The following COL24A1 variants were observed in gnomAD, a reference collection of about 807,000 sequenced individuals.
The protein encoded by COL24A1 is collagen type XXIV alpha 1 chain.
COL24A1 carries 224 observed loss-of-function variants against 253.9 expected under a neutral mutation model. The ratio of observed to expected loss-of-function variants is 0.88; its 90% CI spans 0.79 to 0.99. COL24A1 has a LOEUF of 0.99. Ranked by LOEUF, COL24A1 falls within the 50% of genes least tolerant of loss-of-function variation. COL24A1 has a pLI of 0.00. For missense variants in COL24A1, 2,131 were observed against 2,068.5 expected (o/e 1.03, Z -0.59); for synonymous variants, 685 against 673.7 (o/e 1.02, Z -0.26).
intron 47 of COL24A1, among the ~76,000 whole-genome samples, chr1:85,814,370 T>G (rs1317003150): frequency 6.6e-6 from 1 of 152,266 alleles, no homozygotes; most frequent in Non-Finnish European, 1.5e-5. Flanking sequence ...ATCAACATTT[T>G]ATTTGTGTTA....
At chr1:86,081,533 T>A (rs1328102330) in intron 7 of COL24A1, among the ~76,000 whole-genome samples, 1 of 152,202 alleles carries the variant, frequency 6.6e-6, no homozygotes, top group Non-Finnish European at 1.5e-5. Context: ...TGTTAGCTAA[T>A]ACTTCTTTTG....
At position 85,916,686 on chromosome 1, in the gene COL24A1, C is replaced by T. The variant is rs544708729; in HGVS notation, c.2563-5253G>A. ...CAAAATACATAAAAAGAAAAACGTA[C>T]TATTTCAGTACCTTAAAAAGTCTAA... On this transcript the variant is annotated intron_variant, in intron 24 of 59. Transcript: ENST00000370571. 2.8e-4 allele frequency among the ~76,000 whole-genome samples: 42 copies of T among 152,130 alleles called. 1 individual carries two copies. The highest frequency in any genetic ancestry group is 2.4e-3 in the Admixed American group (37 of 15,270).
At chr1:86,035,005 A>G (rs1698885115) in intron 12 of COL24A1, among the ~76,000 whole-genome samples, 1 of 152,186 alleles carries the variant, frequency 6.6e-6, no homozygotes, top group African/African-American at 2.4e-5. Context: ...AGTATTAAAT[A>G]TTATGTTTAA....
In COL24A1 at chr1:85,933,071, A is replaced by T. The variant is rs547026745; in HGVS notation, c.2563-21638T>A. Reference sequence around the variant, plus strand: ...CCTGCACAATGTGCACATGTACCCTAAAACTTAGAGTATAATAAAAAAAAA... The same window carrying T: ...CCTGCACAATGTGCACATGTACCCTTAAACTTAGAGTATAATAAAAAAAAA... On this transcript the variant is annotated intron_variant, in intron 24 of 59. Transcript: ENST00000370571. Among the ~76,000 whole-genome samples, 7 of 132,624 alleles carry T rather than the reference A, an allele frequency of 5.3e-5. No homozygotes were observed. In the South Asian group the frequency reaches 1.6e-3, roughly 30 times the overall value. The allele number at this position is 132,624 out of a possible 152,430, so 87.0% of individuals were successfully genotyped here.
intron 14 of COL24A1, among the ~76,000 whole-genome samples, chr1:86,025,777 A>G (rs17405900): frequency 0.087 from 13,207 of 151,398 alleles, 702 homozygotes; most frequent in Middle Eastern, 0.19. Context: ...CAATCCCACT[A>G]CTCCTCTTTC....
At chr1:86,021,992 T>C (rs1697579927) in intron 18 of COL24A1, among the ~76,000 whole-genome samples, 1 of 152,212 alleles carries the variant, frequency 6.6e-6, no homozygotes, top group Admixed American at 6.5e-5. Context: ...ATTAAATTAT[T>C]CAGTAGAATA....
chr1:85,955,086 C>T (rs1690303317), intron 24 of COL24A1, among the ~76,000 whole-genome samples: 1 of 152,164 alleles, frequency 6.6e-6, no homozygotes, highest in Non-Finnish European at 1.5e-5. Flanking sequence ...TCCTGTGCCG[C>T]TATAAGCCGG....
At chr1:85,940,382 C>A (rs1303731840) in intron 24 of COL24A1, among the ~76,000 whole-genome samples, 2 of 11,074 alleles carry the variant, frequency 1.8e-4, no homozygotes, top group African/African-American at 4.5e-4. Flanking sequence ...CCAGCCTGGG[C>A]GACAGAGCGA....
chr1:85,829,617 C>T (rs1333219134), intron 43 of COL24A1, among the ~76,000 whole-genome samples: 1 of 151,896 alleles, frequency 6.6e-6, no homozygotes, highest in Non-Finnish European at 1.5e-5. Flanking sequence ...AGGCTTTGCT[C>T]ATTTCTTTTT....
rs976992544 is a variant in COL24A1 at position 85,935,791 on chromosome 1, G to C, written c.2563-24358C>G. On this transcript the variant is annotated intron_variant, in intron 24 of 59. Transcript: ENST00000370571. ...TATGCCTACTGCCTGGGATACATAA[G>C]ATAACATACGTAGAATGAATGAGTG... Among the ~76,000 whole-genome samples the C allele has an allele frequency of 1.2e-4, 17 of 147,334 alleles. 3 individuals carry two copies. Among genetic ancestry groups the C allele is most frequent in the Admixed American group, 9.5e-4 (14 of 14,684 alleles).
At chr1:86,133,969 A>T (rs1649762603) in intron 2 of COL24A1, among the ~76,000 whole-genome samples, 1 of 88,120 alleles carries the variant, frequency 1.1e-5, no homozygotes, top group African/African-American at 4.0e-5. Flanking sequence ...CTGTGAATCC[A>T]TCTGGTCCTG....
chr1:85,937,829 C>T (rs1213576888), intron 24 of COL24A1, among the ~76,000 whole-genome samples: 2 of 147,566 alleles, frequency 1.4e-5, no homozygotes, highest in Non-Finnish European at 3.0e-5. Flanking sequence ...GCAGAAATGA[C>T]ATATGCTTTG....
At chr1:86,055,172 G>A (rs534011946) in intron 10 of COL24A1, among the ~76,000 whole-genome samples, 10 of 152,264 alleles carry the variant, frequency 6.6e-5, no homozygotes, top group African/African-American at 2.4e-4. Flanking sequence ...GGCAAGGGTT[G>A]AAAAACTACC....
intron 19 of COL24A1, among the ~76,000 whole-genome samples, chr1:86,005,470 T>C (rs1485464699): frequency 6.6e-6 from 1 of 151,934 alleles, no homozygotes; most frequent in Non-Finnish European, 1.5e-5. Flanking sequence ...AAAAATTGCC[T>C]ATTTAAATAA....
chr1:86,111,619 G>A (rs1705616467), intron 5 of COL24A1, among the ~76,000 whole-genome samples: 1 of 152,110 alleles, frequency 6.6e-6, no homozygotes, highest in African/African-American at 2.4e-5. Context: ...GCCCACAGGG[G>A]CAACTGGCTT....
At chr1:85,878,480 A>G (rs1039640345) in intron 32 of COL24A1, among the ~76,000 whole-genome samples, 8 of 152,226 alleles carry the variant, frequency 5.3e-5, no homozygotes, top group African/African-American at 1.4e-4. Context: ...ATTATAGCAG[A>G]CATATTGGTT....
intron 20 of COL24A1, 91 bp downstream of exon 20, chr1:85,987,509 CT>C (rs895578902): frequency 9.1e-7 from 1 of 1,097,914 alleles, no homozygotes; most frequent in Non-Finnish European, 1.4e-6. Context: ...CAGAAATGTT[CT>C]GATATTCCTA....
At chr1:85,925,737 C>T (rs954730906) in intron 24 of COL24A1, among the ~76,000 whole-genome samples, 2 of 152,180 alleles carry the variant, frequency 1.3e-5, no homozygotes, top group Admixed American at 1.3e-4. Context: ...AAAACCTAAG[C>T]ATTACCATCC....
intron 3 of COL24A1, among the ~76,000 whole-genome samples, chr1:86,116,729 T>C (rs1424118035): frequency 2.0e-5 from 3 of 152,320 alleles, no homozygotes; most frequent in African/African-American, 7.2e-5. Context: ...CTGATATTCA[T>C]TAGATATTTC....
Sources: gnomAD v4.1 joint callset for allele counts (sites outside exome capture counted in the v4.1 genomes callset) on GRCh38, gnomAD v4.1.1 for gene constraint, MANE v1.5 for transcripts, NCBI Gene and HGNC (gene_info 2026-07-23, HGNC 2026-07-21) for gene names.